Variants in FRMPD3 observed in about 807,000 individuals in gnomAD.
FRMPD3 encodes the protein FERM and PDZ domain-containing protein 3.
A neutral mutation model predicts 97.9 loss-of-function variants in FRMPD3; 42 were observed. The ratio of observed to expected loss-of-function variants is 0.43; its 90% confidence interval spans 0.34 to 0.55. The LOEUF is 0.55. Ranked by LOEUF, FRMPD3 falls within the 20% of genes least tolerant of loss-of-function variation. The pLI, the probability that FRMPD3 is intolerant of heterozygous loss-of-function variation, is 0.03. For synonymous variants in FRMPD3, 577 were observed against 581.1 expected, an observed-to-expected ratio of 0.99 and a Z score of 0.10; for missense variants, 1,303 against 1,457.7, an observed-to-expected ratio of 0.89 and a Z score of 1.73.
chrX:107,578,650 C>G (rs1395195613), intron 13 of FRMPD3, among the ~76,000 whole-genome samples: 2 of 111,907 alleles, frequency 1.8e-5, no homozygotes, highest in Non-Finnish European at 3.8e-5. Flanking sequence ...TAGAAATAAT[C>G]AGCTTAGGGG....
At chrX:107,548,007 T>G (rs796779770) in intron 5 of FRMPD3, among the ~76,000 whole-genome samples, 5 of 110,586 alleles carry the variant, frequency 4.5e-5, no homozygotes, top group Non-Finnish European at 7.6e-5. Context: ...CCCACCTTGT[T>G]TCCACAGCCA....
rs1431583629 is a variant in FRMPD3 at position 107,604,121 on chromosome X, A to G, written c.*748A>G. On this transcript the variant is annotated 3_prime_UTR_variant, in exon 15 of 15. Transcript: ENST00000683843. The stretch of plus-strand genomic sequence containing the variant: ...CTCATTTTGGGTAAGGTACCTGATG[A>G]AAACGTCTGCCTGGGGAGACCCAGT... The G allele has an allele frequency of 9.2e-6, 1 of 108,601 alleles. No homozygotes were observed. The allele number at this position is 108,601 out of a possible 1,213,427, so 8.9% of individuals were successfully genotyped here. A position where few individuals can be genotyped will look rare whatever the true frequency, so the allele number is the denominator to read the frequency against.
intron 1 of FRMPD3, among the ~76,000 whole-genome samples, chrX:107,460,273 C>CTGTT (rs748411139): frequency 1.8e-5 from 2 of 111,912 alleles, no homozygotes; most frequent in African/African-American, 6.5e-5. Context: ...TCTGTACTCA[C>CTGTT]TGTTTGTCTC....
chrX:107,540,549 TC>T (rs1299772542), intron 4 of FRMPD3, among the ~76,000 whole-genome samples: 1 of 112,003 alleles, frequency 8.9e-6, no homozygotes, highest in South Asian at 3.7e-4. Flanking sequence ...TCTCTTCTAT[TC>T]CTTATTCCAC....
At chrX:107,479,738 G>A (rs972234374) in intron 1 of FRMPD3, among the ~76,000 whole-genome samples, 2 of 109,491 alleles carry the variant, frequency 1.8e-5, no homozygotes, top group Non-Finnish European at 3.8e-5. Flanking sequence ...TGGTGGTGAT[G>A]GTTTCACAAC....
At chrX:107,482,022 C>A (rs1231498758) in intron 1 of FRMPD3, among the ~76,000 whole-genome samples, 11 of 111,728 alleles carry the variant, frequency 9.8e-5, no homozygotes, top group African/African-American at 2.9e-4. Flanking sequence ...CCCCCAAGTC[C>A]CAGTCCAGTC....
At chrX:107,535,959 G>C (rs963132553) in intron 4 of FRMPD3, among the ~76,000 whole-genome samples, 1 of 111,199 alleles carries the variant, frequency 9.0e-6, no homozygotes, top group Non-Finnish European at 1.9e-5. Context: ...TCACCCAAAG[G>C]ATTCCTCGTG....
At chrX:107,476,757 A>G (rs1011478119) in intron 1 of FRMPD3, among the ~76,000 whole-genome samples, 1 of 112,787 alleles carries the variant, frequency 8.9e-6, no homozygotes, top group Non-Finnish European at 1.9e-5. Flanking sequence ...AGTTATATGC[A>G]GAATCATGGT....
intron 2 of FRMPD3, among the ~76,000 whole-genome samples, chrX:107,529,551 C>G (rs958652773): frequency 9.0e-6 from 1 of 110,875 alleles, no homozygotes; most frequent in Non-Finnish European, 1.9e-5. Flanking sequence ...CGCCACTGCA[C>G]TCCAGCCTGG....
intron 8 of FRMPD3, among the ~76,000 whole-genome samples, chrX:107,558,181 TA>T (rs1922193270): frequency 9.0e-6 from 1 of 110,894 alleles, no homozygotes. Flanking sequence ...ATACCTTCTA[TA>T]ATTTTCCTCA....
At chrX:107,480,528 G>A (rs1304361585) in intron 1 of FRMPD3, among the ~76,000 whole-genome samples, 3 of 110,688 alleles carry the variant, frequency 2.7e-5, no homozygotes, top group Non-Finnish European at 5.7e-5. Flanking sequence ...TGTGAATGAA[G>A]CAGAGAGACA....
At chrX:107,453,448 G>T (rs1931324864) in intron 1 of FRMPD3, among the ~76,000 whole-genome samples, 1 of 110,194 alleles carries the variant, frequency 9.1e-6, no homozygotes, top group South Asian at 4.0e-4. Flanking sequence ...GCACACTCAA[G>T]TCAGCTTCTG....
chrX:107,575,745 C>T (rs1345261636), intron 12 of FRMPD3, among the ~76,000 whole-genome samples: 2 of 112,558 alleles, frequency 1.8e-5, no homozygotes, highest in Non-Finnish European at 3.8e-5. Context: ...GCCACCGCGC[C>T]GGGCCGAGCA....
At position 107,602,606 on chromosome X, in the gene FRMPD3, A is replaced by G. The variant is rs1165167958; in HGVS notation, c.4567A>G (p.Lys1523Glu). The G allele has an allele frequency of 2.5e-6, 3 of 1,210,516 alleles. No individual in the cohort carries two copies. The highest frequency in any genetic ancestry group is 1.7e-5 in the African/African-American group (1 of 57,671). Residue 1523 changes from lysine (K) to glutamate (E), a missense_variant, in exon 15 of 15, where the codon AAG becomes GAG. By Grantham distance (56) the Lys-to-Glu change is moderately conservative (BLOSUM62 1). Coordinates refer to ENST00000683843, the MANE Select transcript of FRMPD3 (RefSeq NM_001388459.1). ...TGAGCTCTCCTACTCTATCCCCATG[A>G]AGATCCTGCCTGGCATGAAGCTGGA... The part of the protein sequence containing the change: ...KDELSYSIPM[K>E]ILPGMKLDEQ...
intron 1 of FRMPD3, among the ~76,000 whole-genome samples, chrX:107,510,154 T>G (rs906814545): frequency 6.3e-5 from 7 of 111,524 alleles, no homozygotes; most frequent in Non-Finnish European, 1.3e-4. Context: ...ACCTGAATAC[T>G]TAGGGAATGG....
rs372014103 is a variant in FRMPD3 at position 107,577,481 on chromosome X, CA to C, written c.1441+1043del. The stretch of plus-strand genomic sequence containing the variant: ...CCTGGGTGACAGAGTGAGACTGTCT[CA>C]AAAAAAAAAAAAAAAAAAAAGCCAA... On this transcript the variant is annotated intron_variant, in intron 13 of 14. Coordinates refer to ENST00000683843, the MANE Select transcript of FRMPD3 (RefSeq NM_001388459.1). Among the ~76,000 whole-genome samples, 102 of 33,350 alleles carry C rather than the reference CA, an allele frequency of 3.1e-3. 2 individuals are homozygous for C. The highest frequency in any genetic ancestry group is 4.0e-3 in the South Asian group (2 of 500). The allele number at this position is 33,350 out of a possible 115,157, so 29.0% of individuals were successfully genotyped here.
chrX:107,467,699 C>CAT (rs1556152267), intron 1 of FRMPD3, among the ~76,000 whole-genome samples: 169 of 108,447 alleles, frequency 1.6e-3, no homozygotes, highest in African/African-American at 5.1e-3. Context: ...AGAGTCTAGG[C>CAT]CTCTCTCTCT....
intron 2 of FRMPD3, among the ~76,000 whole-genome samples, chrX:107,527,173 G>T (rs1922729557): frequency 8.9e-6 from 1 of 111,997 alleles, no homozygotes; most frequent in Admixed American, 9.5e-5. Context: ...GTGGAGACAT[G>T]TATATACTCA....
chrX:107,485,077 TC>T (rs1158323838), intron 1 of FRMPD3, among the ~76,000 whole-genome samples: 62 of 112,698 alleles, frequency 5.5e-4, no homozygotes, highest in African/African-American at 2.0e-3. Context: ...AATGTCTGTT[TC>T]CTGGTTCTTC....
Sources: allele counts gnomAD v4.1 joint callset (sites outside exome capture counted in the v4.1 genomes callset), GRCh38; gene constraint gnomAD v4.1.1; transcripts MANE v1.5; gene names NCBI Gene and HGNC (gene_info 2026-07-23, HGNC 2026-07-21).